The following MBOAT2 variants were observed in gnomAD, a reference collection of about 807,000 sequenced individuals.
MBOAT2 encodes membrane-bound glycerophospholipid O-acyltransferase 2.
MBOAT2 carries 28 observed loss-of-function variants against 63.4 expected under a neutral mutation model. The observed-to-expected ratio is 0.44, with a 90% CI of 0.33 to 0.61. The LOEUF (loss-of-function observed/expected upper bound fraction) is 0.61, where lower values mean the gene tolerates loss of function less well. MBOAT2 is among the 20% of genes least tolerant of loss of function. The pLI, the probability that MBOAT2 is intolerant of heterozygous loss-of-function variation, is 0.03. For synonymous variants in MBOAT2, 211 were observed against 215.6 expected (o/e 0.98, Z 0.19); for missense variants, 470 against 605.8 (o/e 0.78, Z 2.35).
At chr2:8,860,795 AT>A (rs1355207766) in intron 11 of MBOAT2, 31 bp from the exon 12 acceptor site, 23 of 1,508,828 alleles carry the variant, frequency 1.5e-5, no homozygotes, top group Non-Finnish European at 1.8e-5. Context: ...CATTTGCTGT[AT>A]CTTTAAATTA....
At chr2:8,940,887 A>C (rs977106147) in intron 3 of MBOAT2, among the ~76,000 whole-genome samples, 17 of 152,224 alleles carry the variant, frequency 1.1e-4, no homozygotes, top group African/African-American at 4.1e-4. Flanking sequence ...AGTCAAAGAA[A>C]TATATTAAAA....
chr2:8,854,902 C>T lies in MBOAT2; in HGVS notation c.*3777G>A, dbSNP rs1273198925. The T allele has an allele frequency of 6.6e-6, 1 of 152,194 alleles. No individual in the cohort carries two copies. The highest frequency in any genetic ancestry group is 1.5e-5 in the Non-Finnish European group (1 of 68,032). 9.4% of individuals were successfully genotyped at this position (152,194 alleles called of 1,614,324 possible). On this transcript the variant is annotated 3_prime_UTR_variant, in exon 13 of 13. Coordinates refer to ENST00000305997, the MANE Select transcript of MBOAT2 (RefSeq NM_138799.4). ...CTTTGAGATGTTATATAGTGGTAAA[C>T]CCTGTCCAGTAGTCAGTAATCTGTA...
intron 2 of MBOAT2, among the ~76,000 whole-genome samples, chr2:8,957,943 GAA>G (rs1241070618): frequency 6.6e-6 from 1 of 152,124 alleles, no homozygotes; most frequent in Non-Finnish European, 1.5e-5. Flanking sequence ...TGAGGATTGA[GAA>G]AGAGACCTAA....
Position 9,003,590 on chromosome 2 carries a change from A to G in MBOAT2, c.25T>C (p.Ser9Pro). 8.2e-7 allele frequency: 1 copy of G among 1,222,706 alleles called. No individual in the cohort carries two copies. Among genetic ancestry groups the G allele is most frequent in the Non-Finnish European group, 1.0e-6 (1 of 976,146 alleles). 75.7% of individuals were successfully genotyped at this position (1,222,706 alleles called of 1,614,324 possible). ...TTGCTGAGGGGCTGCAGCAGGGTGG[A>G]GCCCGTGGTGCTGGTGGTGGCCATG... MATTSTTG[S>P]TLLQPLSNAV... is the part of the protein sequence containing the mutation. Residue 9 changes from serine to proline, a missense_variant, in exon 1 of 13, where the codon TCC (serine) becomes CCC (proline). This residue lies in a region of MBOAT2 where 376 missense variants were observed against 503.8 expected (regional missense o/e 0.75). Coordinates refer to ENST00000305997, the MANE Select transcript of MBOAT2 (RefSeq NM_138799.4). This position sits in a 1 kb window ranked among gnomAD's most constrained non-coding sequence, Gnocchi z 5.4.
intron 4 of MBOAT2, among the ~76,000 whole-genome samples, chr2:8,906,695 TA>T (rs1328725503): frequency 6.6e-6 from 1 of 152,094 alleles, no homozygotes; most frequent in African/African-American, 2.4e-5. Flanking sequence ...ACGAGGAAAA[TA>T]AAAAGGGTAA....
chr2:8,858,901 G>C lies in MBOAT2; in HGVS notation c.1341C>G (p.Ser447=). Reference sequence around the variant, plus strand: ...CAAGAATGTGCAGGCAATAATACCAGGAGCTAAAAGAAAAAGGGAAAAAGT... The same window carrying C: ...CAAGAATGTGCAGGCAATAATACCACGAGCTAAAAGAAAAAGGGAAAAAGT... ...SIKPSLTFYS[S]WYYCLHILGI... The change falls in exon 13 of 13, where the codon TCC becomes TCG. Residue 447 remains serine, a synonymous_variant. Transcript: ENST00000305997. 3 of 1,591,280 alleles carry C rather than the reference G, an allele frequency of 1.9e-6. No individual in the cohort carries two copies. The highest frequency in any genetic ancestry group is 2.6e-6 in the Non-Finnish European group (3 of 1,170,162).
At chr2:8,998,403 G>A (rs754642378) in intron 1 of MBOAT2, among the ~76,000 whole-genome samples, 1 of 152,176 alleles carries the variant, frequency 6.6e-6, no homozygotes, top group Non-Finnish European at 1.5e-5. Context: ...TGATCTGCTT[G>A]TTTTGTTGCC....
intron 9 of MBOAT2, among the ~76,000 whole-genome samples, chr2:8,867,821 C>T (rs1485221259): frequency 1.3e-5 from 2 of 152,208 alleles, no homozygotes; most frequent in African/African-American, 2.4e-5. Context: ...GAGGGAAATA[C>T]ATTCTACATG....
At chr2:8,873,474 A>G (rs1442973721) in intron 7 of MBOAT2, among the ~76,000 whole-genome samples, 174 bp from the exon 8 acceptor site, 2 of 152,196 alleles carry the variant, frequency 1.3e-5, no homozygotes, top group Non-Finnish European at 2.9e-5. Flanking sequence ...GTCTCATGGT[A>G]TGAACTTTTC....
rs1669403168 is a variant in MBOAT2, at chr2:8,958,720, G to A, written c.76-78C>T. ...TATCATGTTACATTGAAATTCTCAG[G>A]ACAAAAACACCAAGGTTACACAAAA... On this transcript the variant is annotated intron_variant, in intron 1 of 12. Coordinates refer to ENST00000305997, the MANE Select transcript of MBOAT2 (RefSeq NM_138799.4). The A allele has an allele frequency of 6.8e-6, 9 of 1,323,694 alleles. No homozygotes were observed. In the South Asian group the frequency reaches 1.5e-4, roughly 22 times the overall value. 82.0% of individuals were successfully genotyped at this position (1,323,694 alleles called of 1,614,324 possible). A position where few individuals can be genotyped will look rare whatever the true frequency, so the allele number is the denominator to read the frequency against.
rs1372041415 is a variant in MBOAT2, at chr2:8,929,330, G to A, written c.299+13857C>T. On this transcript the variant is annotated intron_variant, in intron 3 of 12. Transcript: ENST00000305997. ...CATGGCTCTTACATTTTATTTATTT[G>A]TTCATTCATTCATTCATTCATTCAT... is the stretch of plus-strand genomic sequence containing the variant. 3.3e-5 allele frequency among the ~76,000 whole-genome samples: 5 copies of A among 151,492 alleles called. No homozygotes were observed. In the South Asian group the frequency reaches 6.3e-4, roughly 19 times the overall value.
intron 3 of MBOAT2, among the ~76,000 whole-genome samples, chr2:8,916,316 AAAG>A (rs1283503467): frequency 1.3e-5 from 2 of 152,214 alleles, no homozygotes; most frequent in African/African-American, 4.8e-5. Context: ...TTCACAGCCA[AAAG>A]AATTCAGATA....
intron 1 of MBOAT2, among the ~76,000 whole-genome samples, chr2:8,969,396 A>G (rs1398197783): frequency 5.9e-5 from 9 of 152,218 alleles, no homozygotes; most frequent in East Asian, 5.8e-4. Context: ...AGGAACAACC[A>G]GTACTAGCCA....
At chr2:8,884,524 A>G (rs1325561757) in intron 5 of MBOAT2, among the ~76,000 whole-genome samples, 2 of 149,956 alleles carry the variant, frequency 1.3e-5, no homozygotes, top group Non-Finnish European at 3.0e-5. Context: ...AAATGAGGAT[A>G]AGTATTCAAT....
intron 2 of MBOAT2, 46 bp from the exon 3 acceptor site, chr2:8,943,310 AACATCAAGCTGAAGTG>A (rs1319547601): frequency 5.9e-6 from 7 of 1,187,292 alleles, no homozygotes; most frequent in Non-Finnish European, 8.4e-6. Context: ...CCAAGTCACA[AACATCAAGCTGAAGTG>A]AATTAAGCTA....
At chr2:8,892,369 C>G (rs759883809) in intron 4 of MBOAT2, among the ~76,000 whole-genome samples, 32 of 152,160 alleles carry the variant, frequency 2.1e-4, no homozygotes, top group Non-Finnish European at 3.5e-4. Context: ...CAAGTAACCC[C>G]ACTTACCTAA....
At chr2:8,882,852 C>T (rs1184257009) in intron 5 of MBOAT2, among the ~76,000 whole-genome samples, 12 of 152,088 alleles carry the variant, frequency 7.9e-5, no homozygotes, top group Admixed American at 6.5e-4. Context: ...TATCCTTAAT[C>T]GTAAATGCTA....
At chr2:8,964,190 C>T (rs1669829320) in intron 1 of MBOAT2, among the ~76,000 whole-genome samples, 1 of 152,214 alleles carries the variant, frequency 6.6e-6, no homozygotes, top group South Asian at 2.1e-4. Flanking sequence ...AGAGTAACTA[C>T]CAGCCTTAAG....
intron 4 of MBOAT2, among the ~76,000 whole-genome samples, chr2:8,894,130 G>C (rs1270927801): frequency 3.0e-4 from 46 of 152,014 alleles, no homozygotes; most frequent in Admixed American, 3.0e-3. Flanking sequence ...AACCCGATAC[G>C]TGATATTCCC....
Sources: gnomAD v4.1 joint callset for allele counts (sites outside exome capture counted in the v4.1 genomes callset) on GRCh38, gnomAD v4.1.1 for gene constraint, gnomAD v4.1.1 regional missense constraint, Gnocchi (gnomAD v3.1) non-coding constraint, MANE v1.5 for transcripts, NCBI Gene and HGNC (gene_info 2026-07-23, HGNC 2026-07-21) for gene names.